The following UBQLN4 variants were observed in gnomAD, a reference collection of about 807,000 sequenced individuals.
The protein encoded by UBQLN4 is ubiquilin-4.
UBQLN4 carries 11 observed loss-of-function variants against 60.4 expected under a neutral mutation model. The ratio of observed to expected loss-of-function variants is 0.18; its 90% CI spans 0.11 to 0.30. The LOEUF is 0.30. Ranked by LOEUF, UBQLN4 falls within the 10% of genes least tolerant of loss-of-function variation. The probability of loss-of-function intolerance (pLI) is 1.00; values close to 1 mark genes in which losing one functional copy is unlikely to be tolerated. For synonymous variants in UBQLN4, 258 were observed against 313.1 expected, an observed-to-expected ratio of 0.82 and a Z score of 1.86; for missense variants, 417 against 795.5, an observed-to-expected ratio of 0.52 and a Z score of 5.72.
At chr1:156,042,655 G>A in intron 7 of UBQLN4, 119 bp downstream of exon 7, 4 of 1,425,936 alleles carry the variant, frequency 2.8e-6, no homozygotes, top group Non-Finnish European at 3.8e-6. Flanking sequence ...CTGGGAAGCA[G>A]CAGAGCTTGG....
At chr1:156,037,467 C>T (rs574969054) in intron 10 of UBQLN4, among the ~76,000 whole-genome samples, 1 of 152,068 alleles carries the variant, frequency 6.6e-6, no homozygotes, top group African/African-American at 2.4e-5. Context: ...TGGTGGTGGG[C>T]GCCCTGTAGT....
At chr1:156,039,245 C>CTTTT (rs34866268) in intron 10 of UBQLN4, among the ~76,000 whole-genome samples, 12 of 82,508 alleles carry the variant, frequency 1.5e-4, no homozygotes, top group South Asian at 4.5e-4. Context: ...CCTGGCCTGG[C>CTTTT]TTTTTTTTTT....
rs1434779711 is a variant in UBQLN4 at position 156,051,148 on chromosome 1, G to T, written c.440C>A (p.Ala147Asp). 1 of 1,612,698 alleles carries T rather than the reference G, an allele frequency of 6.2e-7. No homozygotes were observed. Among genetic ancestry groups the T allele is most frequent in the Non-Finnish European group, 8.5e-7 (1 of 1,179,346 alleles). Reference protein sequence around the residue: ...RSSGGGPSPGAGEGSPSATAS... With the variant: ...RSSGGGPSPGDGEGSPSATAS... ...AGTAGCACTGGGGGATCCCTCCCCAGCCCCCGGAGAGGGCCCCCCACCACT... is the reference window on the plus strand; with the variant it reads ...AGTAGCACTGGGGGATCCCTCCCCATCCCCCGGAGAGGGCCCCCCACCACT... Residue 147 changes from alanine (A) to aspartate (D), a missense_variant, in exon 3 of 11, where the codon GCT (alanine) becomes GAT (aspartate). By Grantham distance (126) the Ala-to-Asp change is moderately radical. Transcript: ENST00000368309.
chr1:156,034,871 A>ATATATATAT (rs60215858), downstream of UBQLN4, among the ~76,000 whole-genome samples: 847 of 69,616 alleles, frequency 0.012, no homozygotes, highest in Middle Eastern at 0.019. Context: ...ATATATATAT[A>ATATATATAT]ATTTTTTTTT....
intron 10 of UBQLN4, among the ~76,000 whole-genome samples, chr1:156,040,395 A>C (rs1003722669): frequency 7.3e-5 from 11 of 151,000 alleles, no homozygotes; most frequent in Admixed American, 3.3e-4. Context: ...AAAAAAAAAG[A>C]AAGCCCTTTC....
At chr1:156,038,588 C>T (rs1263343617) in intron 10 of UBQLN4, among the ~76,000 whole-genome samples, 3 of 151,800 alleles carry the variant, frequency 2.0e-5, no homozygotes, top group South Asian at 2.1e-4. Flanking sequence ...ACCCGGGAGG[C>T]GGAGGTTGCA....
intron 1 of UBQLN4, 31 bp from the exon 2 acceptor site, chr1:156,051,888 G>A: frequency 6.2e-7 from 1 of 1,612,528 alleles, no homozygotes; most frequent in Non-Finnish European, 8.5e-7. Flanking sequence ...TCACTGTGGA[G>A]GCTGCCTGGA....
downstream of UBQLN4, chr1:156,035,195 A>G (rs1683371379): frequency 1.1e-6 from 1 of 938,418 alleles, no homozygotes; most frequent in Admixed American, 6.2e-5. Context: ...ATCTGTAGTA[A>G]CTGAACCAAA....
Position 156,042,437 on chromosome 1 carries a change from T to G in UBQLN4, c.1267-201A>C. ...TCTGGGTAATGAAGAGTATGAGGAGTCAGCCTGCTCAGCCCTGGGTCTGAT... is the reference window on the plus strand; with the variant it reads ...TCTGGGTAATGAAGAGTATGAGGAGGCAGCCTGCTCAGCCCTGGGTCTGAT... On this transcript the variant is annotated intron_variant, in intron 7 of 10. Coordinates refer to ENST00000368309, the MANE Select transcript of UBQLN4 (RefSeq NM_020131.5). 6 of 1,404,070 alleles carry G rather than the reference T, an allele frequency of 4.3e-6. 1 individual carries two copies. In the South Asian group the frequency reaches 1.0e-4, roughly 24 times the overall value. 87.0% of individuals were successfully genotyped at this position (1,404,070 alleles called of 1,614,324 possible).
rs1173821445 is a variant in UBQLN4 at position 156,036,595 on chromosome 1, C to G, written c.*383G>C. 2 of 997,850 alleles carry G rather than the reference C, an allele frequency of 2.0e-6. No individual in the cohort carries two copies. The highest frequency in any genetic ancestry group is 2.1e-4 in the East Asian group (2 of 9,462). 61.8% of individuals were successfully genotyped at this position (997,850 alleles called of 1,614,324 possible). A position where few individuals can be genotyped will look rare whatever the true frequency, so the allele number is the denominator to read the frequency against. On this transcript the variant is annotated 3_prime_UTR_variant, in exon 11 of 11. Coordinates refer to ENST00000368309, the MANE Select transcript of UBQLN4 (RefSeq NM_020131.5). ...CCAAAAGTAAACATAAGACAAAACC[C>G]TAGTGGTATAGATGGAAGACTATGT...
intron 10 of UBQLN4, 37 bp from the exon 11 acceptor site, chr1:156,037,167 C>A: frequency 2.5e-6 from 4 of 1,602,486 alleles, no homozygotes; most frequent in Non-Finnish European, 3.4e-6. Flanking sequence ...GGCACAGGAC[C>A]AATCTTGGGG....
In UBQLN4 at chr1:156,050,489, C is replaced by T. The variant is rs770841312; in HGVS notation, c.543G>A (p.Leu181=). 1.2e-6 allele frequency: 2 copies of T among 1,613,876 alleles called. No individual in the cohort carries two copies. The highest frequency in any genetic ancestry group is 3.3e-5 in the Admixed American group (2 of 60,028). The change falls in exon 4 of 11, where the codon CTG becomes CTA. Residue 181 remains leucine (L), a synonymous_variant. Coordinates refer to ENST00000368309, the MANE Select transcript of UBQLN4 (RefSeq NM_020131.5). The surrounding 1 kb of genome is among the most constrained non-coding windows in gnomAD (Gnocchi z 4.6). ...TCAGCTGCCGCTGCATCTGCTGCTG[C>T]AGCTCCATGAAGTTGGCAGAGCCCA... ...LGLGSANFME[L]QQQMQRQLMS... is the part of the protein sequence containing the mutation.
chr1:156,044,257 G>A, intron 5 of UBQLN4, 34 bp from the exon 6 acceptor site: 1 of 1,536,846 alleles, frequency 6.5e-7, no homozygotes, highest in Non-Finnish European at 8.8e-7. Flanking sequence ...GTTAAGGACT[G>A]AAACAAATCA....
intron 5 of UBQLN4, among the ~76,000 whole-genome samples, chr1:156,047,891 CAAA>C (rs749746724): frequency 2.5e-5 from 1 of 40,090 alleles, no homozygotes. Flanking sequence ...GACTCCATCT[CAAA>C]AAAAAAAAAA....
At chr1:156,051,642 A>G in intron 2 of UBQLN4, 64 bp downstream of exon 2, 1 of 1,605,002 alleles carries the variant, frequency 6.2e-7, no homozygotes, top group African/African-American at 1.3e-5. Context: ...TTAAGCAATG[A>G]GTGAGAAAGT....
intron 10 of UBQLN4, among the ~76,000 whole-genome samples, chr1:156,040,147 AC>A (rs773825785): frequency 6.6e-6 from 1 of 151,270 alleles, no homozygotes; most frequent in Non-Finnish European, 1.5e-5. Context: ...TAATCCCAGC[AC>A]TTTGGGAGCC....
Position 156,035,500 on chromosome 1 carries a change from G to A in UBQLN4, c.*1478C>T, listed in dbSNP as rs896955861. ...GCTGGGCCAAGTAGGAGAGGGAAGA[G>A]GTGATATGAGCCTCCTCTGTGCTCT... On this transcript the variant is annotated 3_prime_UTR_variant, in exon 11 of 11. Transcript: ENST00000368309. 1.0e-5 allele frequency: 10 copies of A among 985,302 alleles called. No homozygotes were observed. Among genetic ancestry groups the A allele is most frequent in the Non-Finnish European group, 1.1e-5 (9 of 829,934 alleles). 61.0% of individuals were successfully genotyped at this position (985,302 alleles called of 1,614,324 possible).
chr1:156,034,899 C>T (rs1318967178), downstream of UBQLN4, among the ~76,000 whole-genome samples: 1 of 123,704 alleles, frequency 8.1e-6, no homozygotes, highest in Admixed American at 9.1e-5. Context: ...GACAGGGTTT[C>T]ACTTTGTCTC....
At chr1:156,034,902 T>G (rs1278184274), downstream of UBQLN4, among the ~76,000 whole-genome samples, 4 of 138,652 alleles carry the variant, frequency 2.9e-5, no homozygotes, top group African/African-American at 8.0e-5. Context: ...AGGGTTTCAC[T>G]TTGTCTCCCA....
Sources: gnomAD v4.1 joint callset for allele counts (sites outside exome capture counted in the v4.1 genomes callset) on GRCh38, gnomAD v4.1.1 for gene constraint, Gnocchi (gnomAD v3.1) non-coding constraint, MANE v1.5 for transcripts, NCBI Gene and HGNC (gene_info 2026-07-23, HGNC 2026-07-21) for gene names.